ARHGEF15: variants seen among roughly 807,000 people sequenced by gnomAD.
ARHGEF15 encodes Rho guanine nucleotide exchange factor 15.
Under a neutral mutation model 79.7 loss-of-function variants are expected in ARHGEF15, and 58 were observed. The ratio of observed to expected loss-of-function variants is 0.73; its 90% CI spans 0.59 to 0.91. The LOEUF (loss-of-function observed/expected upper bound fraction) is 0.91, where lower values mean the gene tolerates loss of function less well. Among genes scored for constraint, ARHGEF15 ranks in the 40% least tolerant of loss-of-function variants. ARHGEF15 has a pLI of 0.00. For synonymous variants in ARHGEF15, 442 were observed against 456.0 expected, an observed-to-expected ratio of 0.97 and a Z score of 0.39; for missense variants, 1,012 against 1,108.1, an observed-to-expected ratio of 0.91 and a Z score of 1.23.
chr17:8,319,443 G>A (rs1270960325), intron 14 of ARHGEF15, 49 bp downstream of exon 14: 5 of 1,595,698 alleles, frequency 3.1e-6, no homozygotes, highest in Non-Finnish European at 4.3e-6. Context: ...GAGTCTTAGA[G>A]GAATATGGGG....
chr17:8,312,338 C>G lies in ARHGEF15; in HGVS notation c.299C>G (p.Pro100Arg), dbSNP rs752668239. 1 of 1,589,860 alleles carries G rather than the reference C, an allele frequency of 6.3e-7. No individual in the cohort carries two copies. The highest frequency in any genetic ancestry group is 8.6e-7 in the Non-Finnish European group (1 of 1,168,396). ...SPDSPSSTPT[P>R]SPVSRRSASP... ...GACTCACCTTCCAGCACCCCCACAC[C>G]TAGTCCAGTGTCCCGGCGCTCCGCC... The change falls in exon 2 of 16, where the codon CCT becomes CGT. Residue 100 changes from proline (P) to arginine (R), a missense_variant. Pro to Arg is a moderately radical substitution (Grantham distance 103, BLOSUM62 -2). This residue lies in a region of ARHGEF15 where 818 missense variants were observed against 882.5 expected (regional missense o/e 0.93). Transcript: ENST00000361926.
chr17:8,321,772 T>TG lies in ARHGEF15; in HGVS notation c.*782dup, dbSNP rs1905400746. 6.6e-6 allele frequency: 1 copy of TG among 152,258 alleles called. No individual in the cohort carries two copies. The highest frequency in any genetic ancestry group is 1.5e-5 in the Non-Finnish European group (1 of 68,072). 9.4% of individuals were successfully genotyped at this position (152,258 alleles called of 1,614,324 possible). A position where few individuals can be genotyped will look rare whatever the true frequency, so the allele number is the denominator to read the frequency against. On this transcript the variant is annotated 3_prime_UTR_variant, in exon 16 of 16. Transcript: ENST00000361926. ...GTCTGAGCTCCAGAAGAGACTGTGC[T>TG]GGGTGTGGCTTGGCACCCAGGGGAT...
Position 8,315,652 on chromosome 17 carries a change from T to A in ARHGEF15, c.1421+78T>A. ...CCCTTTCCTCTCTCCCGGGCCCAGGTCCTTCCTTCTACGGACCCAGTTAGT... is the reference window on the plus strand; with the variant it reads ...CCCTTTCCTCTCTCCCGGGCCCAGGACCTTCCTTCTACGGACCCAGTTAGT... On this transcript the variant is annotated intron_variant, in intron 7 of 15. Coordinates refer to ENST00000361926, the MANE Select transcript of ARHGEF15 (RefSeq NM_173728.4). The surrounding 1 kb of genome is among the most constrained non-coding windows in gnomAD (Gnocchi z 4.3). 1 of 1,591,640 alleles carries A rather than the reference T, an allele frequency of 6.3e-7. No individual in the cohort carries two copies. Among genetic ancestry groups the A allele is most frequent in the Non-Finnish European group, 8.5e-7 (1 of 1,171,130 alleles).
intron 1 of ARHGEF15, among the ~76,000 whole-genome samples, chr17:8,311,190 T>G (rs537136306): frequency 1.3e-4 from 20 of 152,046 alleles, no homozygotes; most frequent in Non-Finnish European, 2.5e-4. Flanking sequence ...GCCCTGACCC[T>G]GCAGCCTTCT....
In ARHGEF15 at chr17:8,313,053, C is replaced by A. The variant is rs371870992; in HGVS notation, c.733C>A (p.Arg245=). 6.8e-6 allele frequency: 11 copies of A among 1,613,494 alleles called. No homozygotes were observed. The highest frequency in any genetic ancestry group is 9.3e-6 in the Non-Finnish European group (11 of 1,179,818). The part of the protein sequence containing the change: ...PRVPRRASPL[R]TSRSRPHPPS... ...GGTCCCCCGTCGGGCCTCCCCGCTG[C>A]GGACCTCTCGCTCCCGCCCCCACCC... Residue 245 remains arginine (R), a synonymous_variant, in exon 3 of 16, where the codon CGG becomes AGG. Coordinates refer to ENST00000361926, the MANE Select transcript of ARHGEF15 (RefSeq NM_173728.4).
At chr17:8,312,698 T>A (rs2151635833) in intron 2 of ARHGEF15, 58 bp downstream of exon 2, 1 of 1,609,180 alleles carries the variant, frequency 6.2e-7, no homozygotes, top group Non-Finnish European at 8.5e-7. Flanking sequence ...TTCTCCGTTT[T>A]CAGTGCTAAC....
chr17:8,318,963 G>A lies in ARHGEF15; in HGVS notation c.2034-44G>A. ...GGCTGGAGTGGGCAGGAGGGGTCCA[G>A]CGGGACCCCTGCTGTCCTTCTGAAC... On this transcript the variant is annotated intron_variant, in intron 12 of 15. Transcript: ENST00000361926. This position sits in a 1 kb window ranked among gnomAD's most constrained non-coding sequence, Gnocchi z 5.0. 1 of 1,609,450 alleles carries A rather than the reference G, an allele frequency of 6.2e-7. No individual in the cohort carries two copies. The highest frequency in any genetic ancestry group is 8.5e-7 in the Non-Finnish European group (1 of 1,178,244).
rs138521691 is a variant in ARHGEF15 at position 8,312,938 on chromosome 17, C to T, written c.618C>T (p.Cys206=). 3,530 of 1,579,228 alleles carry T rather than the reference C, an allele frequency of 2.2e-3. 5 individuals are homozygous for T. Among genetic ancestry groups the T allele is most frequent in the Non-Finnish European group, 2.7e-3 (3,143 of 1,162,810 alleles). The change falls in exon 3 of 16, where the codon TGC becomes TGT. Residue 206 remains cysteine (C), a synonymous_variant. Coordinates refer to ENST00000361926, the MANE Select transcript of ARHGEF15 (RefSeq NM_173728.4). ...ENGAPDAGLA[C]PPCCPCVCHT... is the part of the protein sequence containing the mutation. The stretch of plus-strand genomic sequence containing the variant: ...CTCCCACAGATGCTGGCCTGGCCTG[C>T]CCTCCCTGCTGCCCCTGTGTCTGCC...
In ARHGEF15 at chr17:8,316,488, C is replaced by A. The variant is rs147579158; in HGVS notation, c.1704+340C>A. ...CTGGGTCTCAGGGGGAGTGTGTGAG[C>A]GGTTTTTGAGGTTGTCTCTGGCTAT... On this transcript the variant is annotated intron_variant, in intron 9 of 15. Transcript: ENST00000361926. Among the ~76,000 whole-genome samples, 498 of 152,286 alleles carry A rather than the reference C, an allele frequency of 3.3e-3. 1 individual carries two copies. Among genetic ancestry groups the A allele is most frequent in the African/African-American group, 0.012 (487 of 41,550 alleles).
At chr17:8,311,642 C>T (rs753358262) in intron 1 of ARHGEF15, among the ~76,000 whole-genome samples, 39 of 151,844 alleles carry the variant, frequency 2.6e-4, no homozygotes, top group African/African-American at 7.0e-4. Context: ...ACCCTGGCAC[C>T]GCTATCTCAG....
Position 8,315,906 on chromosome 17 carries a change from A to C in ARHGEF15, c.1573A>C (p.Met525Leu), listed in dbSNP as rs745957482. 2 of 1,608,626 alleles carry C rather than the reference A, an allele frequency of 1.2e-6. No individual in the cohort carries two copies. Among genetic ancestry groups the C allele is most frequent in the East Asian group, 4.5e-5 (2 of 44,872 alleles). ...QYQEETYSRLMDTNVRFSAEL... is the reference protein window; with the variant it reads ...QYQEETYSRLLDTNVRFSAEL... ...TCAGGAGGAGACCTACAGCCGCCTCATGTGAGTGTCCCAGGGGTGGGGAGG... is the reference window on the plus strand; with the variant it reads ...TCAGGAGGAGACCTACAGCCGCCTCCTGTGAGTGTCCCAGGGGTGGGGAGG... The change falls in exon 8 of 16, where the codon ATG becomes CTG. Residue 525 changes from methionine (M) to leucine (L), a missense_variant and splice_region_variant. Around this residue, in one of 3 missense-constraint regions of ARHGEF15, gnomAD observed 818 missense variants for 882.5 expected, o/e 0.93. Transcript: ENST00000361926. The surrounding 1 kb of genome is among the most constrained non-coding windows in gnomAD (Gnocchi z 4.3).
chr17:8,318,098 T>G lies in ARHGEF15; in HGVS notation c.1705-289T>G. 1 of 313,274 alleles carries G rather than the reference T, an allele frequency of 3.2e-6. No homozygotes were observed. The highest frequency in any genetic ancestry group is 9.0e-4 in the Middle Eastern group (1 of 1,114). The allele number at this position is 313,274 out of a possible 1,614,324, so 19.4% of individuals were successfully genotyped here. ...AAAAATAAGAACCTTCTTTTCAACA[T>G]TTAATATGTGCCAAGAACTATGCTA... is the stretch of plus-strand genomic sequence containing the variant. On this transcript the variant is annotated intron_variant, in intron 9 of 15. Transcript: ENST00000361926. This position sits in a 1 kb window ranked among gnomAD's most constrained non-coding sequence, Gnocchi z 5.0.
In ARHGEF15 at chr17:8,312,549, C is replaced by A. The variant is rs1178694528; in HGVS notation, c.510C>A (p.Ala170=). Residue 170 remains alanine, a synonymous_variant, in exon 2 of 16, where the codon GCC becomes GCA. Coordinates refer to ENST00000361926, the MANE Select transcript of ARHGEF15 (RefSeq NM_173728.4). ...AAGGCCGGGCTCAGGATGCAGATGC[C>A]CCGGAGCCAGGTCTCCAAGCGAGAG... is the stretch of plus-strand genomic sequence containing the variant. ...GAEGRAQDAD[A]PEPGLQARAD... is the part of the protein sequence containing the mutation. The A allele has an allele frequency of 6.2e-7, 1 of 1,608,564 alleles. No individual in the cohort carries two copies. Among genetic ancestry groups the A allele is most frequent in the African/African-American group, 1.3e-5 (1 of 74,766 alleles).
intron 4 of ARHGEF15, 54 bp from the exon 5 acceptor site, chr17:8,314,852 A>G: frequency 1.2e-6 from 2 of 1,604,368 alleles, no homozygotes; most frequent in Non-Finnish European, 8.5e-7. Context: ...AAGCACCCCT[A>G]CGGTGGGCAG....
chr17:8,316,832 G>C (rs1044477576), intron 9 of ARHGEF15, among the ~76,000 whole-genome samples: 2 of 152,170 alleles, frequency 1.3e-5, no homozygotes, highest in African/African-American at 2.4e-5. Context: ...TCCCAGGCTG[G>C]AGTACAGTGG....
At chr17:8,317,134 C>A (rs545148595) in intron 9 of ARHGEF15, among the ~76,000 whole-genome samples, 65 of 152,184 alleles carry the variant, frequency 4.3e-4, no homozygotes, top group African/African-American at 1.5e-3. Context: ...ACCAGGTCTC[C>A]CAATATGGGG....
chr17:8,315,800 C>G lies in ARHGEF15; in HGVS notation c.1467C>G (p.Ile489Met). The G allele has an allele frequency of 6.2e-7, 1 of 1,613,440 alleles. No individual in the cohort carries two copies. The highest frequency in any genetic ancestry group is 1.3e-5 in the African/African-American group (1 of 75,008). ...LLSRVRSSPH[I>M]SDLCDVVHAH... ...CCCGTGTGCGCTCTTCCCCCCACATCAGCGACTTGTGTGATGTGGTGCATG... is the reference window on the plus strand; with the variant it reads ...CCCGTGTGCGCTCTTCCCCCCACATGAGCGACTTGTGTGATGTGGTGCATG... Residue 489 changes from isoleucine (I) to methionine (M), a missense_variant, in exon 8 of 16, where the codon ATC becomes ATG. Physicochemically the swap from Ile to Met is conservative, Grantham distance 10. Transcript: ENST00000361926. The surrounding 1 kb of genome is among the most constrained non-coding windows in gnomAD (Gnocchi z 4.3).
In ARHGEF15 at chr17:8,318,482, A is replaced by C; in HGVS notation, c.1779+21A>C. On this transcript the variant is annotated intron_variant, in intron 10 of 15. Coordinates refer to ENST00000361926, the MANE Select transcript of ARHGEF15 (RefSeq NM_173728.4). This position sits in a 1 kb window ranked among gnomAD's most constrained non-coding sequence, Gnocchi z 5.0. Reference sequence around the variant, plus strand: ...GCAAGGTGGGCAGTGGGGAAGCTGAAGCAGGGGGAGGTGACAAGGTGGTAG... The same window carrying C: ...GCAAGGTGGGCAGTGGGGAAGCTGACGCAGGGGGAGGTGACAAGGTGGTAG... 1.2e-6 allele frequency: 2 copies of C among 1,613,974 alleles called. No individual in the cohort carries two copies. Among genetic ancestry groups the C allele is most frequent in the South Asian group, 2.2e-5 (2 of 91,062 alleles).
At chr17:8,313,314 G>C in intron 3 of ARHGEF15, 60 bp downstream of exon 3, 1 of 1,554,080 alleles carries the variant, frequency 6.4e-7, no homozygotes, top group Non-Finnish European at 8.7e-7. Context: ...AGGCAGGGGG[G>C]AACTAAAGCC....
Sources: gnomAD v4.1 joint callset for allele counts (sites outside exome capture counted in the v4.1 genomes callset) on GRCh38, gnomAD v4.1.1 for gene constraint, gnomAD v4.1.1 regional missense constraint, Gnocchi (gnomAD v3.1) non-coding constraint, MANE v1.5 for transcripts, NCBI Gene and HGNC (gene_info 2026-07-23, HGNC 2026-07-21) for gene names.